The following BRD10 variants were observed in gnomAD, a reference collection of about 807,000 sequenced individuals.
BRD10 encodes uncharacterized bromodomain-containing protein 10.
chr9:5,921,836 T>C, the BRD10 span: 1 of 1,614,022 alleles, frequency 6.2e-7, no homozygotes, highest in Non-Finnish European at 8.5e-7. Flanking sequence ...TGAAGTTTTA[T>C]CTATCACGTG....
At chr9:5,908,004 T>C in the BRD10 span, among the ~76,000 whole-genome samples, 24 of 152,270 alleles carry the variant, frequency 1.6e-4, 1 homozygote, top group African/African-American at 5.8e-4. Flanking sequence ...ACCATATTTC[T>C]ATTGGACAGC....
the BRD10 span, chr9:5,969,493 A>C: frequency 8.7e-7 from 1 of 1,149,706 alleles, no homozygotes; most frequent in Admixed American, 2.9e-5. Context: ...TAAAATGATA[A>C]ATTTTAAGTA....
At chr9:5,991,699 T>C in the BRD10 span, among the ~76,000 whole-genome samples, 1 of 139,244 alleles carries the variant, frequency 7.2e-6, no homozygotes, top group Non-Finnish European at 1.5e-5. Context: ...CATTCCAGCC[T>C]GGGCGACAGA....
At chr9:5,981,548 ACTATCTATCTATCTAT>A in the BRD10 span, among the ~76,000 whole-genome samples, 1 of 152,088 alleles carries the variant, frequency 6.6e-6, no homozygotes, top group Non-Finnish European at 1.5e-5. Context: ...AGAGACCTGG[ACTATCTATCTATCTAT>A]CTATCCATCC....
chr9:6,007,965 G>A, the BRD10 span: 4 of 1,295,642 alleles, frequency 3.1e-6, no homozygotes, highest in Middle Eastern at 2.9e-4. Flanking sequence ...GCTCACCGCC[G>A]GCGGGGCGGG....
the BRD10 span, among the ~76,000 whole-genome samples, chr9:5,984,126 T>C: frequency 2.0e-5 from 3 of 151,896 alleles, no homozygotes; most frequent in Non-Finnish European, 4.4e-5. Flanking sequence ...CTTTAGACAG[T>C]AGAAAAATGA....
the BRD10 span, among the ~76,000 whole-genome samples, chr9:5,983,440 A>G: frequency 1.3e-5 from 2 of 152,234 alleles, no homozygotes; most frequent in African/African-American, 2.4e-5. Flanking sequence ...ATTACTGGAC[A>G]TGCCAAGAAG....
the BRD10 span, among the ~76,000 whole-genome samples, chr9:5,975,047 CA>C: frequency 6.6e-6 from 1 of 152,126 alleles, no homozygotes; most frequent in Non-Finnish European, 1.5e-5. Context: ...GTTTGGCATT[CA>C]AACCAAGGCT....
At chr9:6,007,784 T>A in the BRD10 span, 1 of 1,541,030 alleles carries the variant, frequency 6.5e-7, no homozygotes, top group Non-Finnish European at 8.7e-7. Flanking sequence ...CCGGGCACAC[T>A]CATGCCCCGG....
the BRD10 span, chr9:5,908,803 G>A: frequency 8.7e-6 from 11 of 1,266,652 alleles, no homozygotes; most frequent in South Asian, 7.6e-5. Flanking sequence ...TTGGAATGGT[G>A]TAGGAAAAAT....
At chr9:5,983,508 T>G in the BRD10 span, among the ~76,000 whole-genome samples, 126,858 of 152,076 alleles carry the variant, frequency 0.83, 53,732 homozygotes, top group Non-Finnish European at 0.93. Context: ...CAAAGATGAT[T>G]AAGTTAGAGA....
chr9:6,004,977 G>A, the BRD10 span, among the ~76,000 whole-genome samples: 1 of 152,096 alleles, frequency 6.6e-6, no homozygotes, highest in Non-Finnish European at 1.5e-5. Context: ...AACTATTTGA[G>A]GTCATACTAC....
the BRD10 span, among the ~76,000 whole-genome samples, chr9:5,978,984 G>GT: frequency 6.6e-6 from 1 of 152,142 alleles, no homozygotes; most frequent in Non-Finnish European, 1.5e-5. Flanking sequence ...TTACCAAAAT[G>GT]TAAGAAAGCT....
the BRD10 span, chr9:5,892,405 G>A: frequency 7.2e-6 from 10 of 1,387,762 alleles, no homozygotes; most frequent in Admixed American, 3.9e-5. Flanking sequence ...GATGAATAGG[G>A]TGGCTTTGGA....
chr9:5,933,931 C>T, the BRD10 span: 1 of 451,546 alleles, frequency 2.2e-6, no homozygotes, highest in Non-Finnish European at 4.5e-6. Context: ...TTAAATGTCT[C>T]ATAACAACAA....
the BRD10 span, among the ~76,000 whole-genome samples, chr9:5,983,962 T>TTACACAC: frequency 7.7e-6 from 1 of 129,724 alleles, no homozygotes; most frequent in African/African-American, 2.9e-5. Context: ...GTATATGCAT[T>TTACACAC]ACACACACAC....
chr9:5,972,298 G>C, the BRD10 span, among the ~76,000 whole-genome samples: 1 of 152,126 alleles, frequency 6.6e-6, no homozygotes, highest in Non-Finnish European at 1.5e-5. Flanking sequence ...CATGAGCAAA[G>C]AGAAGGAGAT....
chr9:5,901,523 T>C, the BRD10 span, among the ~76,000 whole-genome samples: 3 of 151,940 alleles, frequency 2.0e-5, no homozygotes, highest in African/African-American at 7.3e-5. Flanking sequence ...TCATTTCTCT[T>C]TTTCTTTTTT....
At chr9:5,994,558 T>C in the BRD10 span, among the ~76,000 whole-genome samples, 1 of 152,336 alleles carries the variant, frequency 6.6e-6, no homozygotes, top group East Asian at 1.9e-4. Flanking sequence ...AGACCTCCAG[T>C]CCCTTGTCTG....
Sources: allele counts gnomAD v4.1 joint callset (sites outside exome capture counted in the v4.1 genomes callset), GRCh38; gene constraint gnomAD v4.1.1; transcripts MANE v1.5; gene names NCBI Gene and HGNC (gene_info 2026-07-23, HGNC 2026-07-21).